The following CCDC175 variants were observed in gnomAD, a reference collection of about 807,000 sequenced individuals.
CCDC175 encodes the protein coiled-coil domain containing 175.
A neutral mutation model predicts 114.6 loss-of-function variants in CCDC175; 100 were observed. That is an observed-to-expected ratio of 0.87 (90% CI 0.74 to 1.03). The LOEUF (loss-of-function observed/expected upper bound fraction) is 1.03. Ranked by LOEUF, CCDC175 falls within the 50% of genes least tolerant of loss-of-function variation. The pLI, the probability that CCDC175 is intolerant of heterozygous loss-of-function variation, is 0.00. For missense variants in CCDC175, 880 were observed against 917.8 expected, an observed-to-expected ratio of 0.96 and a Z score of 0.53; for synonymous variants, 306 against 308.7, an observed-to-expected ratio of 0.99 and a Z score of 0.09.
In CCDC175 at chr14:59,532,172, G is replaced by A. The variant is rs139009222; in HGVS notation, c.1624-262C>T. On this transcript the variant is annotated intron_variant, in intron 13 of 19. Coordinates refer to ENST00000537690, the MANE Select transcript of CCDC175 (RefSeq NM_001164399.2). Reference sequence around the variant, plus strand: ...ATCCCTTCTGCTTTAAACCTCTTCTGCTATATCTCTATGAACACTACCATG... The same window carrying A: ...ATCCCTTCTGCTTTAAACCTCTTCTACTATATCTCTATGAACACTACCATG... 7.6e-3 allele frequency among the ~76,000 whole-genome samples: 1,153 copies of A among 152,174 alleles called. 14 individuals are homozygous for A. The highest frequency in any genetic ancestry group is 0.026 in the African/African-American group (1,091 of 41,508).
chr14:59,566,501 G>C (rs2140118595), intron 4 of CCDC175, among the ~76,000 whole-genome samples: 1 of 152,314 alleles, frequency 6.6e-6, no homozygotes, highest in East Asian at 1.9e-4. Flanking sequence ...GTCTAGGTGA[G>C]AGGCTCAGTA....
At chr14:59,523,848 G>A (rs890048331) in intron 16 of CCDC175, among the ~76,000 whole-genome samples, 1 of 152,092 alleles carries the variant, frequency 6.6e-6, no homozygotes, top group East Asian at 1.9e-4. Flanking sequence ...AATTAGCCGG[G>A]CATGGTGGCG....
intron 9 of CCDC175, among the ~76,000 whole-genome samples, chr14:59,543,968 G>C (rs1271918823): frequency 7.9e-5 from 12 of 152,186 alleles, no homozygotes. Context: ...GAAGGTGAAG[G>C]AGTCAGTCAG....
chr14:59,557,728 T>G (rs989702631), intron 7 of CCDC175, among the ~76,000 whole-genome samples: 2 of 152,000 alleles, frequency 1.3e-5, no homozygotes, highest in Admixed American at 1.3e-4. Context: ...TTTATGTATA[T>G]ATTTATCAAA....
chr14:59,523,869 G>A (rs888572595), intron 16 of CCDC175, among the ~76,000 whole-genome samples: 39 of 152,136 alleles, frequency 2.6e-4, no homozygotes, highest in Admixed American at 2.2e-3. Flanking sequence ...GGCACCTGTA[G>A]TCCCAGCTAC....
intron 13 of CCDC175, 84 bp from the exon 14 acceptor site, chr14:59,531,994 GGAAA>G: frequency 2.9e-6 from 2 of 693,276 alleles, no homozygotes; most frequent in Non-Finnish European, 2.3e-6. Flanking sequence ...GTTTTTTGAG[GGAAA>G]GAGTTTCATC....
At position 59,510,741 on chromosome 14, in the gene CCDC175, C is replaced by T; in HGVS notation, c.2210G>A (p.Arg737Lys). The T allele has an allele frequency of 6.5e-7, 1 of 1,537,342 alleles. No homozygotes were observed. Among genetic ancestry groups the T allele is most frequent in the African/African-American group, 1.4e-5 (1 of 73,156 alleles). The change falls in exon 19 of 20, where the codon AGA becomes AAA. Residue 737 changes from arginine (R) to lysine (K), a missense_variant. Arg to Lys is a conservative substitution (Grantham distance 26). Coordinates refer to ENST00000537690, the MANE Select transcript of CCDC175 (RefSeq NM_001164399.2). Reference sequence around the variant, plus strand: ...ACTGACATGCTGCATTTTTTCATCTCTTTCACGCAGCTTGTCTGTTAGATT... The same window carrying T: ...ACTGACATGCTGCATTTTTTCATCTTTTTCACGCAGCTTGTCTGTTAGATT... ...INNLTDKLRE[R>K]DEKMQHVSTW...
Position 59,537,030 on chromosome 14 carries a change from C to A in CCDC175, c.1623+993G>T, listed in dbSNP as rs550750363. ...ACTCCTGACATCGTGATCCACCTAC[C>A]TTGGCCTCCCAAAGTGCTGGGATTA... On this transcript the variant is annotated intron_variant, in intron 13 of 19. Coordinates refer to ENST00000537690, the MANE Select transcript of CCDC175 (RefSeq NM_001164399.2). 2.6e-5 allele frequency among the ~76,000 whole-genome samples: 4 copies of A among 152,288 alleles called. No homozygotes were observed. The East Asian group carries it at 7.7e-4, about 29-fold the overall frequency.
At chr14:59,570,701 G>A (rs938250234) in intron 3 of CCDC175, among the ~76,000 whole-genome samples, 3 of 151,768 alleles carry the variant, frequency 2.0e-5, no homozygotes, top group African/African-American at 7.3e-5. Flanking sequence ...GCAGGCACTG[G>A]GGAGAGAACA....
chr14:59,547,574 AG>A (rs1486245620), intron 8 of CCDC175, among the ~76,000 whole-genome samples: 3 of 152,254 alleles, frequency 2.0e-5, no homozygotes, highest in African/African-American at 7.2e-5. Context: ...TTATGACAAT[AG>A]TATGACCACA....
intron 14 of CCDC175, 125 bp from the exon 15 acceptor site, chr14:59,527,299 A>T: frequency 1.9e-6 from 1 of 531,646 alleles, no homozygotes. Context: ...ACTGTCAGGC[A>T]CTCCACAATG....
chr14:59,563,699 A>G (rs1896356694), intron 6 of CCDC175, 38 bp downstream of exon 6: 1 of 1,251,306 alleles, frequency 8.0e-7, no homozygotes, highest in Non-Finnish European at 1.0e-6. Flanking sequence ...AGGTGCCTAG[A>G]TAAGGCTTAA....
intron 16 of CCDC175, 140 bp downstream of exon 16, chr14:59,525,142 A>C: frequency 1.8e-6 from 1 of 569,322 alleles, no homozygotes; most frequent in Non-Finnish European, 2.8e-6. Flanking sequence ...GTACACTTGC[A>C]ATCTGGGCAC....
chr14:59,568,369 C>A lies in CCDC175; in HGVS notation c.367G>T (p.Asp123Tyr). The A allele has an allele frequency of 6.6e-7, 1 of 1,516,956 alleles. No homozygotes were observed. Among genetic ancestry groups the A allele is most frequent in the Non-Finnish European group, 8.8e-7 (1 of 1,140,332 alleles). The allele number at this position is 1,516,956 out of a possible 1,614,324, so 94.0% of individuals were successfully genotyped here. ...TCAAAAAGATTTAATCTGCGAGCGT[C>A]TCGGACACATTCTTCAAAGTAAGTG... is the stretch of plus-strand genomic sequence containing the variant. ...IKRELEECVR[D>Y]ARRLNLFEIN... Residue 123 changes from aspartate (D) to tyrosine (Y), a missense_variant, in exon 4 of 20, where the codon GAC (aspartate) becomes TAC (tyrosine). Physicochemically the swap from Asp to Tyr is radical, Grantham distance 160. Coordinates refer to ENST00000537690, the MANE Select transcript of CCDC175 (RefSeq NM_001164399.2).
At chr14:59,533,553 C>T (rs1328118967) in intron 13 of CCDC175, among the ~76,000 whole-genome samples, 5 of 152,166 alleles carry the variant, frequency 3.3e-5, no homozygotes, top group Non-Finnish European at 7.3e-5. Flanking sequence ...TGATATGTCT[C>T]CTCCCAAATT....
intron 7 of CCDC175, among the ~76,000 whole-genome samples, chr14:59,559,597 A>G (rs951970921): frequency 6.6e-6 from 1 of 152,118 alleles, no homozygotes; most frequent in African/African-American, 2.4e-5. Context: ...GAAATCTTAT[A>G]AAACAGCACT....
intron 5 of CCDC175, 64 bp from the exon 6 acceptor site, chr14:59,563,923 C>A: frequency 1.8e-6 from 2 of 1,093,900 alleles, no homozygotes; most frequent in Non-Finnish European, 2.4e-6. Flanking sequence ...TTTAAAAAAT[C>A]TTTTAAAAAC....
intron 13 of CCDC175, 26 bp from the exon 14 acceptor site, chr14:59,531,936 G>A: frequency 1.9e-6 from 2 of 1,031,072 alleles, no homozygotes; most frequent in Non-Finnish European, 2.8e-6. Context: ...AATCAATTGA[G>A]AAATATAATT....
rs146356440 is a variant in CCDC175, at chr14:59,544,021, T to G, written c.1173-567A>C. Among the ~76,000 whole-genome samples, 20 of 152,334 alleles carry G rather than the reference T, an allele frequency of 1.3e-4. No individual in the cohort carries two copies. The East Asian group carries it at 1.5e-3, about 12-fold the overall frequency. On this transcript the variant is annotated intron_variant, in intron 9 of 19. Transcript: ENST00000537690. ...GCTCTACCTTTTAATAAGAGTGTGATCTTAAGCTAACAATTAGCTTCACCT... is the reference window on the plus strand; with the variant it reads ...GCTCTACCTTTTAATAAGAGTGTGAGCTTAAGCTAACAATTAGCTTCACCT...
Sources: gnomAD v4.1 joint callset for allele counts (sites outside exome capture counted in the v4.1 genomes callset) on GRCh38, gnomAD v4.1.1 for gene constraint, MANE v1.5 for transcripts, NCBI Gene and HGNC (gene_info 2026-07-23, HGNC 2026-07-21) for gene names.